Variants in NSL1 observed in about 807,000 individuals in gnomAD.
The protein encoded by NSL1 is kinetochore-associated protein NSL1 homolog.
A neutral mutation model predicts 25.4 loss-of-function variants in NSL1; 11 were observed. That is an observed-to-expected ratio of 0.43 (90% CI 0.27 to 0.72). The LOEUF is 0.72. NSL1 is among the 30% of genes least tolerant of loss of function. The probability of loss-of-function intolerance (pLI) is 0.19; values close to 1 mark genes in which losing one functional copy is unlikely to be tolerated. For missense variants in NSL1, 330 were observed against 342.7 expected (o/e 0.96, Z 0.29); for synonymous variants, 118 against 120.6 (o/e 0.98, Z 0.14).
chr1:212,732,083 A>G lies in NSL1; in HGVS notation c.*6325T>C. 1.0e-6 allele frequency: 1 copy of G among 974,128 alleles called. No homozygotes were observed. Among genetic ancestry groups the G allele is most frequent in the Non-Finnish European group, 1.2e-6 (1 of 824,418 alleles). 60.3% of individuals were successfully genotyped at this position (974,128 alleles called of 1,614,324 possible). A position where few individuals can be genotyped will look rare whatever the true frequency, so the allele number is the denominator to read the frequency against. On this transcript the variant is annotated 3_prime_UTR_variant, in exon 6 of 6. Coordinates refer to ENST00000366977, the MANE Select transcript of NSL1 (RefSeq NM_015471.4). ...ATTCAGGGTTTTTATTATTATGGCTATATAAATATTGTTCACTGGAGAACT... is the reference window on the plus strand; with the variant it reads ...ATTCAGGGTTTTTATTATTATGGCTGTATAAATATTGTTCACTGGAGAACT...
chr1:212,782,559 T>A, intron 3 of NSL1, 133 bp from the exon 4 acceptor site: 1 of 686,428 alleles, frequency 1.5e-6, no homozygotes, highest in Non-Finnish European at 2.5e-6. Flanking sequence ...TCCTACTGTC[T>A]GTAGGGAAGA....
chr1:212,758,155 T>A (rs537600985), intron 4 of NSL1, among the ~76,000 whole-genome samples: 12 of 152,300 alleles, frequency 7.9e-5, no homozygotes, highest in African/African-American at 2.6e-4. Flanking sequence ...CAGTGTGAAA[T>A]AAATCAGAAA....
rs1658194519 is a variant in NSL1, at chr1:212,735,438, A to T, written c.*2970T>A. ...AGAAAAAGTACATCTTACAAGATGA[A>T]ATCATACTGTTTGAAGCAATAAAAA... On this transcript the variant is annotated 3_prime_UTR_variant, in exon 6 of 6. Coordinates refer to ENST00000366977, the MANE Select transcript of NSL1 (RefSeq NM_015471.4). 1.0e-6 allele frequency: 1 copy of T among 985,374 alleles called. No individual in the cohort carries two copies. The highest frequency in any genetic ancestry group is 1.7e-5 in the African/African-American group (1 of 57,262). 61.0% of individuals were successfully genotyped at this position (985,374 alleles called of 1,614,324 possible).
Position 212,729,885 on chromosome 1 carries a change from G to A in NSL1, c.*8523C>T. The A allele has an allele frequency of 1.0e-6, 1 of 985,374 alleles. No individual in the cohort carries two copies. Among genetic ancestry groups the A allele is most frequent in the Non-Finnish European group, 1.2e-6 (1 of 829,912 alleles). 61.0% of individuals were successfully genotyped at this position (985,374 alleles called of 1,614,324 possible). A position where few individuals can be genotyped will look rare whatever the true frequency, so the allele number is the denominator to read the frequency against. ...GTTGCTGGGGTGACCCAGGCAGCAA[G>A]GACCCTGAGGGGGCAGGTAACCAGA... On this transcript the variant is annotated 3_prime_UTR_variant, in exon 6 of 6. Transcript: ENST00000366977.
intron 4 of NSL1, among the ~76,000 whole-genome samples, chr1:212,770,987 T>C (rs958055592): frequency 6.6e-6 from 1 of 152,112 alleles, no homozygotes; most frequent in Non-Finnish European, 1.5e-5. Context: ...GAAAAGGCAT[T>C]TGATAAAATT....
At position 212,738,366 on chromosome 1, in the gene NSL1, T is replaced by C. The variant is rs1441981243; in HGVS notation, c.*42A>G. The C allele has an allele frequency of 6.4e-7, 1 of 1,571,500 alleles. No individual in the cohort carries two copies. The highest frequency in any genetic ancestry group is 8.6e-7 in the Non-Finnish European group (1 of 1,162,728). ...ATTAATTAGGCTGTAATCTAAATGTTGATGGTGCCTATTTTCAACTCCCAA... is the reference window on the plus strand; with the variant it reads ...ATTAATTAGGCTGTAATCTAAATGTCGATGGTGCCTATTTTCAACTCCCAA... On this transcript the variant is annotated 3_prime_UTR_variant, in exon 6 of 6. Transcript: ENST00000366977.
In NSL1 at chr1:212,738,195, T is replaced by G; in HGVS notation, c.*213A>C. The G allele has an allele frequency of 7.7e-7, 1 of 1,300,510 alleles. No individual in the cohort carries two copies. The highest frequency in any genetic ancestry group is 2.4e-5 in the South Asian group (1 of 42,138). The allele number at this position is 1,300,510 out of a possible 1,614,324, so 80.6% of individuals were successfully genotyped here. ...CCACTGATGGGCTTTGTGTCAATAC[T>G]TTTTAAAATGCTTTTTATTTACAAT... is the stretch of plus-strand genomic sequence containing the variant. On this transcript the variant is annotated 3_prime_UTR_variant, in exon 6 of 6. Coordinates refer to ENST00000366977, the MANE Select transcript of NSL1 (RefSeq NM_015471.4).
chr1:212,743,461 CTTAT>C (rs1420305373), intron 4 of NSL1, among the ~76,000 whole-genome samples: 2 of 138,626 alleles, frequency 1.4e-5, no homozygotes, highest in Non-Finnish European at 3.3e-5. Context: ...CAGCGCCTGG[CTTAT>C]TTGTTTTTTT....
At chr1:212,781,784 T>C (rs756382461) in intron 4 of NSL1, 1 of 172,732 alleles carries the variant, frequency 5.8e-6, no homozygotes, top group African/African-American at 2.4e-5. Context: ...ATACAGTCAT[T>C]TGAAAATATA....
At position 212,729,948 on chromosome 1, in the gene NSL1, T is replaced by TC. The variant is rs1657943098; in HGVS notation, c.*8459_*8460insG. The TC allele has an allele frequency of 1.0e-6, 1 of 984,192 alleles. No individual in the cohort carries two copies. Among genetic ancestry groups the TC allele is most frequent in the Non-Finnish European group, 1.2e-6 (1 of 829,158 alleles). 61.0% of individuals were successfully genotyped at this position (984,192 alleles called of 1,614,324 possible). On this transcript the variant is annotated 3_prime_UTR_variant, in exon 6 of 6. Transcript: ENST00000366977. ...GAGGAACTAAACCTCCGGAAGGATT[T>TC]TTTTTTTTAAGAATGAAATGGGCCG... is the stretch of plus-strand genomic sequence containing the variant.
chr1:212,770,418 A>C (rs1323803474), intron 4 of NSL1, among the ~76,000 whole-genome samples: 1 of 152,212 alleles, frequency 6.6e-6, no homozygotes, highest in African/African-American at 2.4e-5. Context: ...GAAAAGCCTA[A>C]AGGAAATGAA....
At chr1:212,782,883 A>G (rs1004102075) in intron 3 of NSL1, among the ~76,000 whole-genome samples, 1 of 152,222 alleles carries the variant, frequency 6.6e-6, no homozygotes, top group Non-Finnish European at 1.5e-5. Context: ...CGACACACTG[A>G]AATTATAGTA....
At chr1:212,773,686 G>T (rs1660226622) in intron 4 of NSL1, among the ~76,000 whole-genome samples, 2 of 152,006 alleles carry the variant, frequency 1.3e-5, no homozygotes, top group Non-Finnish European at 2.9e-5. Flanking sequence ...CCTGCCACTG[G>T]GTATTCATCC....
chr1:212,775,223 T>C (rs1411860553), intron 4 of NSL1, among the ~76,000 whole-genome samples: 1 of 152,234 alleles, frequency 6.6e-6, no homozygotes, highest in Non-Finnish European at 1.5e-5. Context: ...AGTACATTAG[T>C]GGCCGCCTAG....
intron 4 of NSL1, chr1:212,766,078 G>C: frequency 2.7e-6 from 1 of 374,564 alleles, no homozygotes; most frequent in Non-Finnish European, 4.8e-6. Context: ...GGAGCTTGCA[G>C]TGAGCCGAGA....
intron 3 of NSL1, among the ~76,000 whole-genome samples, chr1:212,783,253 C>A (rs1168150082): frequency 6.6e-6 from 1 of 152,084 alleles, no homozygotes; most frequent in East Asian, 1.9e-4. Flanking sequence ...CTCACCTAGG[C>A]CAGCCATCTT....
At chr1:212,743,340 T>C (rs1035545091) in intron 4 of NSL1, among the ~76,000 whole-genome samples, 2 of 152,128 alleles carry the variant, frequency 1.3e-5, no homozygotes, top group Admixed American at 1.3e-4. Context: ...AATTTTTGCA[T>C]TTTTAGTAGA....
chr1:212,727,090 T>TG lies in NSL1; in HGVS notation c.*11317dup, dbSNP rs368739942. On this transcript the variant is annotated 3_prime_UTR_variant, in exon 6 of 6. Coordinates refer to ENST00000366977, the MANE Select transcript of NSL1 (RefSeq NM_015471.4). ...TCACCCAGCTTCATCCTCTTCATCT[T>TG]GCCAGTTCACCAGAGGCAGAAGGGA... is the stretch of plus-strand genomic sequence containing the variant. 1 of 1,465,292 alleles carries TG rather than the reference T, an allele frequency of 6.8e-7. No individual in the cohort carries two copies. The highest frequency in any genetic ancestry group is 9.1e-7 in the Non-Finnish European group (1 of 1,103,606). 90.8% of individuals were successfully genotyped at this position (1,465,292 alleles called of 1,614,324 possible).
intron 4 of NSL1, among the ~76,000 whole-genome samples, chr1:212,754,022 G>A (rs1176050778): frequency 2.6e-5 from 4 of 152,166 alleles, no homozygotes; most frequent in Non-Finnish European, 5.9e-5. Context: ...CAGCAAACAG[G>A]AAAGTGCCTG....
Sources: gnomAD v4.1 joint callset for allele counts (sites outside exome capture counted in the v4.1 genomes callset) on GRCh38, gnomAD v4.1.1 for gene constraint, MANE v1.5 for transcripts, NCBI Gene and HGNC (gene_info 2026-07-23, HGNC 2026-07-21) for gene names.